WDR7: variants seen among roughly 807,000 people sequenced by gnomAD.
The protein encoded by WDR7 is WD repeat-containing protein 7.
WDR7 carries 46 observed loss-of-function variants against 169.4 expected under a neutral mutation model. The observed-to-expected ratio is 0.27, with a 90% CI of 0.21 to 0.35. WDR7 has a LOEUF of 0.35. WDR7 is among the 10% of genes least tolerant of loss of function. The pLI, the probability that WDR7 is intolerant of heterozygous loss-of-function variation, is 1.00. For missense variants in WDR7, 1,534 were observed against 1,859.3 expected (o/e 0.83, Z 3.22); for synonymous variants, 612 against 666.8 (o/e 0.92, Z 1.27).
rs34888311 is a variant in WDR7 at position 56,955,654 on chromosome 18, GGATGAT to G, written c.4065-6742_4065-6737del. 4.8e-3 allele frequency among the ~76,000 whole-genome samples: 729 copies of G among 150,372 alleles called. 7 individuals are homozygous for G. The highest frequency in any genetic ancestry group is 0.015 in the African/African-American group (602 of 40,730). ...GTAGTATATATTCAGAGATGCAGAT[GGATGAT>G]GATGATGATGATGATGATGATGATG... On this transcript the variant is annotated intron_variant, in intron 25 of 27. Coordinates refer to ENST00000254442, the MANE Select transcript of WDR7 (RefSeq NM_015285.3).
intron 19 of WDR7, among the ~76,000 whole-genome samples, chr18:56,784,609 C>G (rs1323929200): frequency 6.6e-6 from 1 of 152,192 alleles, no homozygotes; most frequent in Non-Finnish European, 1.5e-5. Context: ...TGAGTAGATA[C>G]TTAGCTTAAC....
intron 6 of WDR7, among the ~76,000 whole-genome samples, 171 bp from the exon 7 acceptor site, chr18:56,686,684 C>T (rs1163596618): frequency 6.6e-6 from 1 of 152,112 alleles, no homozygotes; most frequent in Non-Finnish European, 1.5e-5. Flanking sequence ...TGTCTAGCTG[C>T]TTTTAGGGTA....
intron 1 of WDR7, among the ~76,000 whole-genome samples, chr18:56,664,864 G>T (rs1039429938): frequency 7.2e-5 from 11 of 152,206 alleles, no homozygotes; most frequent in Non-Finnish European, 1.3e-4. Flanking sequence ...AGTAAATCAT[G>T]TGGCTTAGGA....
At chr18:57,015,445 A>AT (rs777458045) in intron 26 of WDR7, among the ~76,000 whole-genome samples, 132 of 151,640 alleles carry the variant, frequency 8.7e-4, no homozygotes, top group Middle Eastern at 3.4e-3. Flanking sequence ...AAGAAGGGGG[A>AT]TTTTTTTTTC....
chr18:56,944,635 T>G (rs977029384), intron 25 of WDR7, among the ~76,000 whole-genome samples: 2 of 152,176 alleles, frequency 1.3e-5, no homozygotes. Flanking sequence ...GTTCATATAA[T>G]AGCTTTTCTA....
At chr18:56,996,481 A>G (rs933676391) in intron 26 of WDR7, among the ~76,000 whole-genome samples, 4 of 152,232 alleles carry the variant, frequency 2.6e-5, no homozygotes, top group Non-Finnish European at 1.5e-5. Context: ...TATCAGAGAG[A>G]TTACATTTCT....
At chr18:56,926,222 G>A (rs1019561957) in intron 22 of WDR7, among the ~76,000 whole-genome samples, 27 of 152,156 alleles carry the variant, frequency 1.8e-4, no homozygotes, top group African/African-American at 6.0e-4. Context: ...CCTATAGTAC[G>A]AGGCAGCTGG....
chr18:56,939,873 A>G (rs2047010648), intron 25 of WDR7, among the ~76,000 whole-genome samples: 1 of 151,846 alleles, frequency 6.6e-6, no homozygotes, highest in Non-Finnish European at 1.5e-5. Flanking sequence ...GAAGCCAAGA[A>G]AAGTTAAAAC....
Position 56,843,753 on chromosome 18 carries a change from C to T in WDR7, c.3304+27609C>T, listed in dbSNP as rs572739727. Among the ~76,000 whole-genome samples, 5 of 152,132 alleles carry T rather than the reference C, an allele frequency of 3.3e-5. No homozygotes were observed. In the South Asian group the frequency reaches 1.0e-3, roughly 32 times the overall value. The stretch of plus-strand genomic sequence containing the variant: ...TTTAATATTTTGAGGAACTGTCATA[C>T]TGTTTTCTACAGTGGCTGTACCATT... On this transcript the variant is annotated intron_variant, in intron 20 of 27. Transcript: ENST00000254442.
intron 22 of WDR7, among the ~76,000 whole-genome samples, chr18:56,932,877 GTGTGTGTGTGT>G (rs2046907400): frequency 1.7e-5 from 1 of 59,534 alleles, no homozygotes; most frequent in African/African-American, 3.1e-5. Context: ...CATTCTGGGT[GTGTGTGTGTGT>G]GTGTGTGTGT....
chr18:56,726,414 A>G (rs1286996716), intron 13 of WDR7, among the ~76,000 whole-genome samples: 3 of 152,290 alleles, frequency 2.0e-5, no homozygotes, highest in Admixed American at 6.5e-5. Context: ...CTTTGAAGCA[A>G]TTGTGAATGG....
chr18:56,816,761 C>G (rs887814252), intron 20 of WDR7, among the ~76,000 whole-genome samples: 4 of 152,156 alleles, frequency 2.6e-5, no homozygotes, highest in Admixed American at 2.6e-4. Flanking sequence ...CAAATACATT[C>G]AGCTCAATTT....
intron 19 of WDR7, among the ~76,000 whole-genome samples, chr18:56,800,821 A>G (rs1352566997): frequency 3.9e-5 from 6 of 151,976 alleles, no homozygotes; most frequent in Non-Finnish European, 8.8e-5. Context: ...GCTCATCTGT[A>G]TTTTCCCTGC....
intron 23 of WDR7, chr18:56,936,166 C>G (rs2145689549): frequency 2.5e-6 from 1 of 399,388 alleles, no homozygotes; most frequent in East Asian, 4.3e-5. Flanking sequence ...AATCATTTTT[C>G]AATCTGAATT....
chr18:56,854,444 A>G (rs943033055), intron 20 of WDR7, among the ~76,000 whole-genome samples: 3 of 152,258 alleles, frequency 2.0e-5, no homozygotes, highest in African/African-American at 7.2e-5. Context: ...CAATCTGGGC[A>G]TAACACCCTC....
chr18:56,761,992 T>A (rs2043987261), intron 16 of WDR7, among the ~76,000 whole-genome samples: 1 of 152,072 alleles, frequency 6.6e-6, no homozygotes, highest in Non-Finnish European at 1.5e-5. Context: ...CCTATATGCT[T>A]TTGTAGATGT....
Position 57,010,297 on chromosome 18 carries a change from A to G in WDR7, c.4165-10448A>G, listed in dbSNP as rs1599243743. On this transcript the variant is annotated intron_variant, in intron 26 of 27. Transcript: ENST00000254442. Reference sequence around the variant, plus strand: ...CAAGTGAAACTTTAATAAATATTTCATATGAGCAGTGTAAATATTTGATAA... The same window carrying G: ...CAAGTGAAACTTTAATAAATATTTCGTATGAGCAGTGTAAATATTTGATAA... 5.1e-6 allele frequency: 5 copies of G among 984,570 alleles called. No individual in the cohort carries two copies. In the East Asian group the frequency reaches 5.7e-4, roughly 111 times the overall value. 61.0% of individuals were successfully genotyped at this position (984,570 alleles called of 1,614,324 possible). A position where few individuals can be genotyped will look rare whatever the true frequency, so the allele number is the denominator to read the frequency against.
chr18:56,685,621 C>T (rs980015538), intron 5 of WDR7, among the ~76,000 whole-genome samples: 3 of 152,016 alleles, frequency 2.0e-5, no homozygotes, highest in African/African-American at 4.8e-5. Context: ...TTGAGCTCAT[C>T]CATGATAAAG....
At chr18:56,803,509 T>G (rs958561446) in intron 19 of WDR7, among the ~76,000 whole-genome samples, 14 of 152,122 alleles carry the variant, frequency 9.2e-5, no homozygotes, top group African/African-American at 3.4e-4. Flanking sequence ...AATATCTTAT[T>G]TATAAACATG....
Sources: allele counts gnomAD v4.1 joint callset (sites outside exome capture counted in the v4.1 genomes callset), GRCh38; gene constraint gnomAD v4.1.1; transcripts MANE v1.5; gene names NCBI Gene and HGNC (gene_info 2026-07-23, HGNC 2026-07-21).